The following CEP97 variants were observed in gnomAD, a reference collection of about 807,000 sequenced individuals.
CEP97 encodes the protein centrosomal protein of 97 kDa.
Under a neutral mutation model 73.1 loss-of-function variants are expected in CEP97, and 43 were observed. The observed-to-expected ratio is 0.59, with a 90% CI of 0.46 to 0.76. The LOEUF (loss-of-function observed/expected upper bound fraction) is 0.76, where lower values mean the gene tolerates loss of function less well. Ranked by LOEUF, CEP97 falls within the 30% of genes least tolerant of loss-of-function variation. CEP97 has a pLI of 0.00. For synonymous variants in CEP97, 337 were observed against 370.0 expected (o/e 0.91, Z 1.02); for missense variants, 939 against 1,014.0 (o/e 0.93, Z 1.00).
At chr3:101,753,259 T>C (rs1187378049) in intron 6 of CEP97, among the ~76,000 whole-genome samples, 3 of 152,286 alleles carry the variant, frequency 2.0e-5, no homozygotes, top group Admixed American at 1.3e-4. Context: ...CTGGAAGTTT[T>C]GTCTCAGAGG....
At chr3:101,739,564 T>TA (rs1938380416) in intron 6 of CEP97, among the ~76,000 whole-genome samples, 1 of 152,034 alleles carries the variant, frequency 6.6e-6, no homozygotes, top group Middle Eastern at 3.2e-3. Context: ...GAACCAATGA[T>TA]AAAAACCACA....
chr3:101,738,753 C>T (rs1014362028), intron 6 of CEP97, among the ~76,000 whole-genome samples: 11 of 152,000 alleles, frequency 7.2e-5, no homozygotes, highest in East Asian at 5.8e-4. Context: ...AAATTAACAC[C>T]GTAACATAAC....
rs765934384 is a variant in CEP97, at chr3:101,755,556, A to C, written c.855A>C (p.Ala285=). The change falls in exon 7 of 11, where the codon GCA becomes GCC. Residue 285 remains alanine (A), a synonymous_variant. Transcript: ENST00000341893. ...PLTSTLGLQT[A]EDAKLEKILS... Reference sequence around the variant, plus strand: ...CTTCTACACTAGGTCTTCAAACTGCAGAGGATGCCAAACTAGAGAAGATTT... The same window carrying C: ...CTTCTACACTAGGTCTTCAAACTGCCGAGGATGCCAAACTAGAGAAGATTT... 1.2e-6 allele frequency: 2 copies of C among 1,614,186 alleles called. No individual in the cohort carries two copies. The highest frequency in any genetic ancestry group is 8.5e-7 in the Non-Finnish European group (1 of 1,180,030).
chr3:101,756,846 G>T (rs1268615573), intron 7 of CEP97, among the ~76,000 whole-genome samples: 1 of 152,142 alleles, frequency 6.6e-6, no homozygotes, highest in African/African-American at 2.4e-5. Context: ...ATGTGTGTAT[G>T]TGTGCATAGT....
chr3:101,732,584 C>T lies in CEP97; in HGVS notation c.658C>T (p.Arg220Trp), dbSNP rs1215207458. 3.7e-6 allele frequency: 6 copies of T among 1,613,878 alleles called. No individual in the cohort carries two copies. The highest frequency in any genetic ancestry group is 5.1e-6 in the Non-Finnish European group (6 of 1,179,894). Reference protein sequence around the residue: ...ATPSIPGFDYRPYIVSWCLNL... With the variant: ...ATPSIPGFDYWPYIVSWCLNL... Reference sequence around the variant, plus strand: ...ACCATCCATCCCAGGATTTGACTATCGGCCGTACATCGTCAGCTGGTGCCT... The same window carrying T: ...ACCATCCATCCCAGGATTTGACTATTGGCCGTACATCGTCAGCTGGTGCCT... Residue 220 changes from arginine to tryptophan, a missense_variant, in exon 6 of 11, where the codon CGG becomes TGG. By Grantham distance (101) the Arg-to-Trp change is moderately radical. Coordinates refer to ENST00000341893, the MANE Select transcript of CEP97 (RefSeq NM_024548.4).
intron 6 of CEP97, among the ~76,000 whole-genome samples, chr3:101,745,741 T>G (rs1167583690): frequency 1.3e-5 from 2 of 151,694 alleles, no homozygotes; most frequent in South Asian, 2.1e-4. Flanking sequence ...TGAATTTTAT[T>G]TATTTATTTA....
chr3:101,725,420 G>A (rs1937847263), intron 1 of CEP97, among the ~76,000 whole-genome samples: 3 of 152,312 alleles, frequency 2.0e-5, no homozygotes, highest in Middle Eastern at 6.8e-3. Flanking sequence ...ATCGGGGACA[G>A]GGCCCAGGGG....
intron 6 of CEP97, among the ~76,000 whole-genome samples, chr3:101,751,090 G>C (rs1341763318): frequency 6.6e-6 from 1 of 152,108 alleles, no homozygotes; most frequent in African/African-American, 2.4e-5. Flanking sequence ...TTGAATGTGT[G>C]CCAGAGATTC....
chr3:101,743,420 G>A (rs1221694969), intron 6 of CEP97, among the ~76,000 whole-genome samples: 1 of 151,750 alleles, frequency 6.6e-6, no homozygotes, highest in Non-Finnish European at 1.5e-5. Context: ...TTTGAAGACA[G>A]AGTGTTGCTC....
At position 101,757,063 on chromosome 3, in the gene CEP97, G is replaced by T. The variant is rs547201342; in HGVS notation, c.894G>T (p.Arg298Ser). The change falls in exon 8 of 11, where the codon AGG becomes AGT. Residue 298 changes from arginine to serine, a missense_variant and splice_region_variant. Coordinates refer to ENST00000341893, the MANE Select transcript of CEP97 (RefSeq NM_024548.4). Reference protein sequence around the residue: ...AKLEKILSKQRFHQRQLMNQS... With the variant: ...AKLEKILSKQSFHQRQLMNQS... ...TAGACCAGGTATTATTGATTTTTAG[G>T]TTTCACCAGAGGCAGTTGATGAACC... 16 of 1,600,146 alleles carry T rather than the reference G, an allele frequency of 1.0e-5. No individual in the cohort carries two copies. The South Asian group carries it at 1.7e-4, about 17-fold the overall frequency.
In CEP97 at chr3:101,726,597, C is replaced by G. The variant is rs748814801; in HGVS notation, c.47C>G (p.Ser16Ter). 1 of 1,579,082 alleles carries G rather than the reference C, an allele frequency of 6.3e-7. No individual in the cohort carries two copies. Among genetic ancestry groups the G allele is most frequent in the Admixed American group, 2.0e-5 (1 of 50,788 alleles). The change falls in exon 2 of 11, where the codon TCA becomes TGA. Residue 16 changes from serine to a stop codon, truncating the protein, a stop_gained. Coordinates refer to ENST00000341893, the MANE Select transcript of CEP97 (RefSeq NM_024548.4). LOFTEE classifies it high-confidence loss of function. ...VDAALPPGEG[S>*]VVNWSGQGLQ... ...AACATTTCCGTTTCTTTTCAAGGAT[C>G]AGTGGTCAATTGGTCAGGACAGGGA...
intron 6 of CEP97, among the ~76,000 whole-genome samples, chr3:101,745,260 AT>A (rs1285493180): frequency 6.6e-6 from 1 of 151,964 alleles, no homozygotes; most frequent in African/African-American, 2.4e-5. Flanking sequence ...AGTGCTAGAT[AT>A]TTTCTTTTTA....
intron 6 of CEP97, among the ~76,000 whole-genome samples, chr3:101,737,819 G>T (rs1471382612): frequency 4.6e-5 from 7 of 151,996 alleles, no homozygotes; most frequent in African/African-American, 4.8e-5. Context: ...CAAAATGACA[G>T]GATCAAATTC....
chr3:101,753,032 C>T (rs1938884630), intron 6 of CEP97, among the ~76,000 whole-genome samples: 1 of 152,100 alleles, frequency 6.6e-6, no homozygotes, highest in African/African-American at 2.4e-5. Context: ...GTTTTATCTA[C>T]TTTTGGTCTT....
rs1374176362 is a variant in CEP97 at position 101,768,618 on chromosome 3, T to C, written c.*3067T>C. On this transcript the variant is annotated 3_prime_UTR_variant, in exon 11 of 11. Coordinates refer to ENST00000341893, the MANE Select transcript of CEP97 (RefSeq NM_024548.4). ...TGGGAGGCTGAGGCCAGAGGATCACTTGAGGCCAGGAGTTCAAGACCAGCC... is the reference window on the plus strand; with the variant it reads ...TGGGAGGCTGAGGCCAGAGGATCACCTGAGGCCAGGAGTTCAAGACCAGCC... The C allele has an allele frequency of 2.0e-5, 3 of 152,302 alleles. No individual in the cohort carries two copies. The highest frequency in any genetic ancestry group is 2.0e-4 in the Admixed American group (3 of 15,288). The allele number at this position is 152,302 out of a possible 1,614,324, so 9.4% of individuals were successfully genotyped here.
At chr3:101,755,893 A>G (rs974002837) in intron 7 of CEP97, among the ~76,000 whole-genome samples, 3 of 152,074 alleles carry the variant, frequency 2.0e-5, no homozygotes, top group Admixed American at 6.6e-5. Context: ...GGTGCATGCC[A>G]CCATGGTTGG....
At chr3:101,750,655 C>T (rs565215995) in intron 6 of CEP97, among the ~76,000 whole-genome samples, 11 of 152,234 alleles carry the variant, frequency 7.2e-5, no homozygotes, top group Admixed American at 2.6e-4. Flanking sequence ...GTGTATGTGT[C>T]GAGGAATTTA....
At chr3:101,758,968 G>A (rs148751763) in intron 9 of CEP97, 2 of 153,804 alleles carry the variant, frequency 1.3e-5, no homozygotes, top group African/African-American at 4.8e-5. Flanking sequence ...AAGAGAAAGA[G>A]GCAGCAAAGG....
chr3:101,732,244 T>C (rs915980344), intron 5 of CEP97, among the ~76,000 whole-genome samples: 2 of 152,176 alleles, frequency 1.3e-5, no homozygotes, highest in African/African-American at 4.8e-5. Flanking sequence ...CTGGCTGCTG[T>C]GATGTTTTCA....
Sources: allele counts gnomAD v4.1 joint callset (sites outside exome capture counted in the v4.1 genomes callset), GRCh38; gene constraint gnomAD v4.1.1; transcripts MANE v1.5; gene names NCBI Gene and HGNC (gene_info 2026-07-23, HGNC 2026-07-21).